PRKAR2B: variants seen among roughly 807,000 people sequenced by gnomAD.
PRKAR2B encodes the protein cAMP-dependent protein kinase type II-beta regulatory subunit.
PRKAR2B carries 14 observed loss-of-function variants against 49.9 expected under a neutral mutation model. The observed-to-expected ratio is 0.28, with a 90% CI of 0.19 to 0.44. The LOEUF (loss-of-function observed/expected upper bound fraction) is 0.44, where lower values mean the gene tolerates loss of function less well. Ranked by LOEUF, PRKAR2B falls within the 20% of genes least tolerant of loss-of-function variation. The probability of loss-of-function intolerance (pLI) is 1.00; values close to 1 mark genes in which losing one functional copy is unlikely to be tolerated. For synonymous variants in PRKAR2B, 196 were observed against 197.7 expected (o/e 0.99, Z 0.07); for missense variants, 393 against 537.9 (o/e 0.73, Z 2.67).
chr7:107,067,524 A>C (rs1224806211), intron 1 of PRKAR2B, among the ~76,000 whole-genome samples: 1 of 152,236 alleles, frequency 6.6e-6, no homozygotes, highest in East Asian at 1.9e-4. Context: ...CGATTTAGAA[A>C]TTGATAGAAT....
At chr7:107,133,438 C>G (rs946958072) in intron 4 of PRKAR2B, among the ~76,000 whole-genome samples, 1 of 152,140 alleles carries the variant, frequency 6.6e-6, no homozygotes, top group Admixed American at 6.5e-5. Context: ...TTAAAAAAGT[C>G]AATATATAAA....
At chr7:107,084,660 A>T (rs1397520913) in intron 2 of PRKAR2B, among the ~76,000 whole-genome samples, 3 of 147,378 alleles carry the variant, frequency 2.0e-5, no homozygotes, top group South Asian at 2.2e-4. Context: ...TTGCTCTGTC[A>T]CCCACACTGG....
At chr7:107,059,615 C>A (rs1419191946) in intron 1 of PRKAR2B, among the ~76,000 whole-genome samples, 1 of 151,842 alleles carries the variant, frequency 6.6e-6, no homozygotes, top group Admixed American at 6.6e-5. Flanking sequence ...ATGTAGTATA[C>A]CCTTGTATAA....
chr7:107,099,013 G>A (rs960712727), intron 2 of PRKAR2B, among the ~76,000 whole-genome samples: 6 of 152,172 alleles, frequency 3.9e-5, no homozygotes, highest in South Asian at 2.1e-4. Flanking sequence ...CTCAAACTCC[G>A]TGCCCAGAGA....
chr7:107,142,220 G>C (rs1480931545), intron 5 of PRKAR2B, among the ~76,000 whole-genome samples: 3 of 152,058 alleles, frequency 2.0e-5, no homozygotes. Context: ...TTGGCTCTGT[G>C]GGTGGTATCT....
intron 2 of PRKAR2B, among the ~76,000 whole-genome samples, chr7:107,110,764 A>G (rs1238766101): frequency 1.3e-5 from 2 of 152,076 alleles, no homozygotes; most frequent in African/African-American, 4.8e-5. Flanking sequence ...ACCAGCAGCA[A>G]TACTCAGGTA....
At chr7:107,158,472 C>A (rs140031807) in intron 10 of PRKAR2B, among the ~76,000 whole-genome samples, 242 of 152,250 alleles carry the variant, frequency 1.6e-3, no homozygotes, top group African/African-American at 5.5e-3. Flanking sequence ...TTTTAAAGTT[C>A]ATTATCGCTT....
At chr7:107,125,709 A>C (rs544434714) in intron 3 of PRKAR2B, among the ~76,000 whole-genome samples, 3 of 152,276 alleles carry the variant, frequency 2.0e-5, no homozygotes, top group Admixed American at 2.0e-4. Context: ...CTGAGGAGTA[A>C]TGGCAGGGTG....
At chr7:107,116,935 A>G (rs1795285866) in intron 2 of PRKAR2B, among the ~76,000 whole-genome samples, 2 of 145,840 alleles carry the variant, frequency 1.4e-5, no homozygotes, top group South Asian at 4.2e-4. Context: ...GTATGTGTGT[A>G]TATATATGTG....
chr7:107,064,748 T>G lies in PRKAR2B; in HGVS notation c.308-5533T>G, dbSNP rs1037987692. ...AGTATTTCAAGGGCTTACAAGACAG[T>G]GATGAGTAAAGTATCTCTGAGTATT... On this transcript the variant is annotated intron_variant, in intron 1 of 10. Coordinates refer to ENST00000265717, the MANE Select transcript of PRKAR2B (RefSeq NM_002736.3). 2.6e-5 allele frequency among the ~76,000 whole-genome samples: 4 copies of G among 152,154 alleles called. No homozygotes were observed. The South Asian group carries it at 8.3e-4, about 32-fold the overall frequency.
chr7:107,145,739 T>C (rs1259245664), intron 5 of PRKAR2B, among the ~76,000 whole-genome samples: 4 of 147,724 alleles, frequency 2.7e-5, no homozygotes, highest in Non-Finnish European at 4.5e-5. Flanking sequence ...GATGATTTTT[T>C]TTTTTTTTTT....
intron 2 of PRKAR2B, among the ~76,000 whole-genome samples, chr7:107,102,862 G>C (rs983062222): frequency 1.1e-4 from 16 of 152,028 alleles, no homozygotes; most frequent in Non-Finnish European, 5.9e-5. Flanking sequence ...GTGGAGATGG[G>C]GTTTCACCAT....
chr7:107,053,617 T>C (rs961759099), intron 1 of PRKAR2B, among the ~76,000 whole-genome samples: 38 of 151,584 alleles, frequency 2.5e-4, no homozygotes, highest in African/African-American at 9.2e-4. Flanking sequence ...TCAACAGAAG[T>C]TGGCAGAATA....
chr7:107,108,136 A>AT (rs2116821096), intron 2 of PRKAR2B, among the ~76,000 whole-genome samples: 1 of 152,190 alleles, frequency 6.6e-6, no homozygotes, highest in South Asian at 2.1e-4. Context: ...ATGCCAAAAA[A>AT]CCCAGAGCAT....
chr7:107,092,790 T>C (rs904916486), intron 2 of PRKAR2B, among the ~76,000 whole-genome samples: 1 of 152,358 alleles, frequency 6.6e-6, no homozygotes. Context: ...TACATTCACA[T>C]TGCTGTGCAC....
chr7:107,090,051 A>G (rs139678247), intron 2 of PRKAR2B, among the ~76,000 whole-genome samples: 1 of 152,308 alleles, frequency 6.6e-6, no homozygotes, highest in East Asian at 1.9e-4. Flanking sequence ...CGTATTCTTA[A>G]CATCTGAATT....
intron 2 of PRKAR2B, among the ~76,000 whole-genome samples, chr7:107,094,799 T>C (rs1022312943): frequency 3.9e-5 from 6 of 152,214 alleles, no homozygotes; most frequent in African/African-American, 1.4e-4. Context: ...CTCAGGTTTG[T>C]CAAAGATCAG....
At chr7:107,107,874 T>C (rs1795105597) in intron 2 of PRKAR2B, among the ~76,000 whole-genome samples, 1 of 152,122 alleles carries the variant, frequency 6.6e-6, no homozygotes, top group African/African-American at 2.4e-5. Flanking sequence ...GCCAGGATGG[T>C]CTCCATCTCT....
chr7:107,146,412 C>T lies in PRKAR2B; in HGVS notation c.692C>T (p.Pro231Leu). ...GAACTGGCCTTAATGTACAATACAC[C>T]CAGAGCAGCTACAATCACTGCTACC... ...FGELALMYNT[P>L]RAATITATSP... The change falls in exon 6 of 11, where the codon CCC becomes CTC. Residue 231 changes from proline to leucine, a missense_variant. Coordinates refer to ENST00000265717, the MANE Select transcript of PRKAR2B (RefSeq NM_002736.3). 1 of 1,613,982 alleles carries T rather than the reference C, an allele frequency of 6.2e-7. No homozygotes were observed. The highest frequency in any genetic ancestry group is 8.5e-7 in the Non-Finnish European group (1 of 1,179,962).
Sources: allele counts gnomAD v4.1 joint callset (sites outside exome capture counted in the v4.1 genomes callset), GRCh38; gene constraint gnomAD v4.1.1; transcripts MANE v1.5; gene names NCBI Gene and HGNC (gene_info 2026-07-23, HGNC 2026-07-21).